SPINK1: variants seen among roughly 807,000 people sequenced by gnomAD.
SPINK1 encodes the protein serine protease inhibitor Kazal-type 1.
In SPINK1, 5 loss-of-function variants were observed where a neutral mutation model predicts 9.5. That is an observed-to-expected ratio of 0.52 (90% CI 0.27 to 1.10). The LOEUF (loss-of-function observed/expected upper bound fraction) is 1.10, where lower values mean the gene tolerates loss of function less well. Ranked by LOEUF, SPINK1 falls within the 50% of genes least tolerant of loss-of-function variation. The pLI is 0.11. For synonymous variants in SPINK1, 37 were observed against 32.3 expected, an observed-to-expected ratio of 1.14 and a Z score of -0.49; for missense variants, 88 against 92.7, an observed-to-expected ratio of 0.95 and a Z score of 0.21.
At chr5:147,831,975 T>C (rs1467960833), upstream of SPINK1, among the ~76,000 whole-genome samples, 1 of 152,220 alleles carries the variant, frequency 6.6e-6, no homozygotes, top group African/African-American at 2.4e-5. Flanking sequence ...TGAGCAGGTA[T>C]GGATAGCTAC....
chr5:147,829,360 C>T (rs1756467412), intron 2 of SPINK1, among the ~76,000 whole-genome samples: 1 of 152,158 alleles, frequency 6.6e-6, no homozygotes, highest in African/African-American at 2.4e-5. Flanking sequence ...TATAAAAACC[C>T]CTTCACAGCA....
At chr5:147,825,208 A>G (rs1374643697) in intron 3 of SPINK1, among the ~76,000 whole-genome samples, 2 of 152,148 alleles carry the variant, frequency 1.3e-5, no homozygotes, top group East Asian at 1.9e-4. Flanking sequence ...TCCCCTCCAG[A>G]TAAAACCTCT....
chr5:147,835,926 A>G (rs1200375298), upstream of SPINK1, among the ~76,000 whole-genome samples: 1 of 151,900 alleles, frequency 6.6e-6, no homozygotes, highest in Non-Finnish European at 1.5e-5. Context: ...TTTTTATTCC[A>G]CTGCTTGTTC....
At chr5:147,831,681 G>A (rs1756512053), upstream of SPINK1, 10 of 1,561,796 alleles carry the variant, frequency 6.4e-6, no homozygotes, top group East Asian at 4.8e-5. Context: ...TGGCAGCAAG[G>A]CCCCACCTAC....
chr5:147,831,936 A>G (rs1216755602), upstream of SPINK1: 5 of 673,668 alleles, frequency 7.4e-6, no homozygotes, highest in East Asian at 5.5e-5. Context: ...GAACTCAAAG[A>G]TCCCTTCTAC....
intron 2 of SPINK1, 51 bp from the exon 3 acceptor site, chr5:147,828,179 T>G (rs1222223818): frequency 5.0e-6 from 7 of 1,392,472 alleles, no homozygotes; most frequent in Admixed American, 1.8e-5. Context: ...CATTCTTGAG[T>G]TCATAGCAAA....
chr5:147,829,567 T>G (rs1322524936), intron 2 of SPINK1, 32 bp downstream of exon 2: 6 of 1,607,534 alleles, frequency 3.7e-6, no homozygotes, highest in Non-Finnish European at 5.1e-6. Flanking sequence ...TGTTCCAGTC[T>G]GAGAAATAAG....
chr5:147,835,502 G>T (rs1359666936), upstream of SPINK1, among the ~76,000 whole-genome samples: 1 of 152,012 alleles, frequency 6.6e-6, no homozygotes, highest in Non-Finnish European at 1.5e-5. Context: ...TGTTTACATT[G>T]CTCAACCTTG....
At chr5:147,826,572 T>A (rs1756408327) in intron 3 of SPINK1, among the ~76,000 whole-genome samples, 1 of 152,162 alleles carries the variant, frequency 6.6e-6, no homozygotes, top group Non-Finnish European at 1.5e-5. Flanking sequence ...ATTTCCCAAG[T>A]CTCAAAGCTG....
intron 3 of SPINK1, 63 bp downstream of exon 3, chr5:147,827,959 A>G (rs1475623250): frequency 1.6e-6 from 2 of 1,249,482 alleles, no homozygotes; most frequent in South Asian, 2.6e-5. Flanking sequence ...TCATATTATC[A>G]GTACACTTGA....
chr5:147,834,555 T>C (rs1387161097), upstream of SPINK1, among the ~76,000 whole-genome samples: 3 of 152,142 alleles, frequency 2.0e-5, no homozygotes, highest in African/African-American at 7.2e-5. Context: ...CAAATCATTA[T>C]TTAAATAGTA....
chr5:147,827,516 T>TA (rs1304303051), intron 3 of SPINK1: 1 of 157,208 alleles, frequency 6.4e-6, no homozygotes, highest in East Asian at 1.9e-4. Flanking sequence ...CAGGGAATAT[T>TA]AGCATGATGC....
Position 147,824,695 on chromosome 5 carries a change from G to A in SPINK1, c.206C>T (p.Thr69Ile), listed in dbSNP as rs576564400. ...VLCFENRKRQ[T>I]SILIQKSGPC ...CCCAGATTTTTGAATGAGGATAGAA[G>A]TCTGGCGTTTCCTGCAGTAGAGATT... is the stretch of plus-strand genomic sequence containing the variant. The change falls in exon 4 of 4, where the codon ACT becomes ATT. Residue 69 changes from threonine to isoleucine, a missense_variant. Coordinates refer to ENST00000296695, the MANE Select transcript of SPINK1 (RefSeq NM_001379610.1). 3.1e-6 allele frequency: 5 copies of A among 1,614,018 alleles called. No homozygotes were observed. The East Asian group carries it at 8.9e-5, about 29-fold the overall frequency.
the SPINK1 span, among the ~76,000 whole-genome samples, chr5:147,836,753 C>T: frequency 6.6e-6 from 1 of 152,164 alleles, no homozygotes; most frequent in East Asian, 1.9e-4. Flanking sequence ...CAAGCAGTAG[C>T]CAAACTTACA....
At chr5:147,826,880 A>G (rs1007834150) in intron 3 of SPINK1, among the ~76,000 whole-genome samples, 1 of 152,198 alleles carries the variant, frequency 6.6e-6, no homozygotes, top group Non-Finnish European at 1.5e-5. Flanking sequence ...GAATTTATGC[A>G]GTAGAATATA....
rs1756443168 is a variant in SPINK1, at chr5:147,828,081, A to G, written c.135T>C (p.Pro45=). The G allele has an allele frequency of 6.2e-7, 1 of 1,613,652 alleles. No homozygotes were observed. The highest frequency in any genetic ancestry group is 2.2e-5 in the East Asian group (1 of 44,792). The part of the protein sequence containing the change: ...ELNGCTKIYD[P]VCGTDGNTYP... ...AAGTATTTCCATCAGTCCCACAGAC[A>G]GGGTCATATATCTTGGTGCATCCAT... is the stretch of plus-strand genomic sequence containing the variant. The change falls in exon 3 of 4, where the codon CCT becomes CCC. Residue 45 remains proline, a synonymous_variant. Coordinates refer to ENST00000296695, the MANE Select transcript of SPINK1 (RefSeq NM_001379610.1).
intron 3 of SPINK1, 125 bp from the exon 4 acceptor site, chr5:147,824,831 C>T (rs1053112483): frequency 1.2e-6 from 1 of 832,194 alleles, no homozygotes; most frequent in Non-Finnish European, 1.9e-6. Flanking sequence ...GATTTATAAT[C>T]TTTTCTCTGT....
At chr5:147,833,952 T>C (rs1756552210), upstream of SPINK1, among the ~76,000 whole-genome samples, 1 of 152,182 alleles carries the variant, frequency 6.6e-6, no homozygotes, top group South Asian at 2.1e-4. Context: ...AACAAAATAA[T>C]ACAAAACAGC....
In SPINK1 at chr5:147,824,688, G is replaced by A. The variant is rs1181346927; in HGVS notation, c.213C>T (p.Ile71=). 3 of 1,614,020 alleles carry A rather than the reference G, an allele frequency of 1.9e-6. No homozygotes were observed. Among genetic ancestry groups the A allele is most frequent in the Non-Finnish European group, 2.5e-6 (3 of 1,179,978 alleles). ...AGCAAGGCCCAGATTTTTGAATGAGGATAGAAGTCTGGCGTTTCCTGCAGT... is the reference window on the plus strand; with the variant it reads ...AGCAAGGCCCAGATTTTTGAATGAGAATAGAAGTCTGGCGTTTCCTGCAGT... The part of the protein sequence containing the change: ...CFENRKRQTS[I]LIQKSGPC The change falls in exon 4 of 4, where the codon ATC becomes ATT. Residue 71 remains isoleucine, a synonymous_variant. Coordinates refer to ENST00000296695, the MANE Select transcript of SPINK1 (RefSeq NM_001379610.1).
Sources: allele counts gnomAD v4.1 joint callset (sites outside exome capture counted in the v4.1 genomes callset), GRCh38; gene constraint gnomAD v4.1.1; transcripts MANE v1.5; gene names NCBI Gene and HGNC (gene_info 2026-07-23, HGNC 2026-07-21).